Variants in FGR observed in about 807,000 individuals in gnomAD.
FGR encodes the protein tyrosine-protein kinase Fgr.
Under a neutral mutation model 63.2 loss-of-function variants are expected in FGR, and 26 were observed. The ratio of observed to expected loss-of-function variants is 0.41; its 90% confidence interval spans 0.30 to 0.57. FGR has a LOEUF of 0.57. FGR is among the 20% of genes least tolerant of loss of function. FGR has a pLI of 0.27. For missense variants in FGR, 511 were observed against 690.8 expected (o/e 0.74, Z 2.92); for synonymous variants, 286 against 277.7 (o/e 1.03, Z -0.30).
chr1:27,626,870 C>T (rs970447494), intron 1 of FGR, among the ~76,000 whole-genome samples: 1 of 152,026 alleles, frequency 6.6e-6, no homozygotes, highest in East Asian at 1.9e-4. Flanking sequence ...GGGGCTGATA[C>T]AAAAACAAGG....
chr1:27,619,878 C>T (rs571336094), intron 5 of FGR, among the ~76,000 whole-genome samples: 1 of 152,346 alleles, frequency 6.6e-6, no homozygotes, highest in East Asian at 1.9e-4. Context: ...CTCCCCATAA[C>T]CCAAATCAGT....
At chr1:27,623,281 G>A in intron 3 of FGR, 137 bp from the exon 4 acceptor site, 3 of 650,456 alleles carry the variant, frequency 4.6e-6, no homozygotes, top group Non-Finnish European at 5.5e-6. Flanking sequence ...AGGCCTTTGG[G>A]GTCCAAGGAA....
At position 27,622,423 on chromosome 1, in the gene FGR, T is replaced by C. The variant is rs551901351; in HGVS notation, c.329+619A>G. ...ACTTTGTGGTTTCCAGAAGTCATCA[T>C]TTATTCTCATTCTCTCTCACTCTCT... On this transcript the variant is annotated intron_variant, in intron 4 of 12. Transcript: ENST00000374005. Among the ~76,000 whole-genome samples the C allele has an allele frequency of 2.3e-3, 353 of 152,194 alleles. 1 individual carries two copies. Among genetic ancestry groups the C allele is most frequent in the African/African-American group, 8.2e-3 (340 of 41,552 alleles).
At chr1:27,624,316 G>A (rs914028549) in intron 2 of FGR, among the ~76,000 whole-genome samples, 2 of 152,200 alleles carry the variant, frequency 1.3e-5, no homozygotes, top group African/African-American at 4.8e-5. Context: ...GCTTGCTGCA[G>A]CCTTGATCTC....
At chr1:27,630,075 C>T (rs1229745723) in intron 1 of FGR, among the ~76,000 whole-genome samples, 3 of 151,934 alleles carry the variant, frequency 2.0e-5, no homozygotes, top group Non-Finnish European at 2.9e-5. Context: ...TTTTTTGAGA[C>T]GGGGTCTCAC....
intron 2 of FGR, 30 bp from the exon 3 acceptor site, chr1:27,623,959 A>T: frequency 6.5e-7 from 1 of 1,529,594 alleles, no homozygotes; most frequent in Non-Finnish European, 8.8e-7. Flanking sequence ...TCACTCAAGG[A>T]CCCCTGCCAG....
intron 1 of FGR, among the ~76,000 whole-genome samples, chr1:27,626,914 C>A (rs1172780456): frequency 6.6e-6 from 1 of 152,108 alleles, no homozygotes; most frequent in Non-Finnish European, 1.5e-5. Flanking sequence ...CACCTGCTAT[C>A]CCAGGACTTT....
chr1:27,625,641 C>T (rs1477535165), intron 1 of FGR, among the ~76,000 whole-genome samples: 1 of 152,170 alleles, frequency 6.6e-6, no homozygotes, highest in Non-Finnish European at 1.5e-5. Flanking sequence ...TCACCATCTC[C>T]TAAAAACCAG....
chr1:27,619,035 C>G (rs1033840533), intron 5 of FGR, among the ~76,000 whole-genome samples: 1 of 152,202 alleles, frequency 6.6e-6, no homozygotes, highest in Admixed American at 6.5e-5. Context: ...TCCGCTCTCT[C>G]GGTTGTTCTG....
chr1:27,623,952 C>A, intron 2 of FGR, 23 bp from the exon 3 acceptor site: 2 of 1,540,588 alleles, frequency 1.3e-6, no homozygotes, highest in Non-Finnish European at 1.8e-6. Context: ...GCATGCCTCA[C>A]TCAAGGACCC....
Position 27,614,658 on chromosome 1 carries a change from A to T in FGR, c.1096-75T>A, listed in dbSNP as rs1287490192. ...CCGTGGCCTGTTTGAGGGGTGAGGG[A>T]CCATTTGAAAAACCCACTTTCCAGA... On this transcript the variant is annotated intron_variant, in intron 10 of 12. Transcript: ENST00000374005. 3.2e-6 allele frequency: 5 copies of T among 1,550,398 alleles called. No individual in the cohort carries two copies. The East Asian group carries it at 6.8e-5, about 21-fold the overall frequency.
rs2089794335 is a variant in FGR, at chr1:27,615,670, G to GC, written c.838+18dup. 1 of 1,592,452 alleles carries GC rather than the reference G, an allele frequency of 6.3e-7. No homozygotes were observed. The highest frequency in any genetic ancestry group is 1.3e-5 in the African/African-American group (1 of 74,522). ...CCCCCGAGCCCAGGCCCTCGTCCCG[G>GC]CCCCCGGGAGCTCCGTACCCAGCCA... On this transcript the variant is annotated intron_variant, in intron 8 of 12. Coordinates refer to ENST00000374005, the MANE Select transcript of FGR (RefSeq NM_005248.3). The surrounding 1 kb of genome is among the most constrained non-coding windows in gnomAD (Gnocchi z 7.6).
chr1:27,619,909 C>T (rs2089888599), intron 5 of FGR, among the ~76,000 whole-genome samples: 1 of 152,234 alleles, frequency 6.6e-6, no homozygotes. Context: ...TGGATTCTCA[C>T]TCTGCAAAGT....
chr1:27,615,333 T>C lies in FGR; in HGVS notation c.1018+101A>G, dbSNP rs898556335. 1.3e-5 allele frequency: 17 copies of C among 1,302,958 alleles called. No individual in the cohort carries two copies. Among genetic ancestry groups the C allele is most frequent in the African/African-American group, 2.9e-5 (2 of 68,050 alleles). 80.7% of individuals were successfully genotyped at this position (1,302,958 alleles called of 1,614,324 possible). On this transcript the variant is annotated intron_variant, in intron 9 of 12. Coordinates refer to ENST00000374005, the MANE Select transcript of FGR (RefSeq NM_005248.3). This position sits in a 1 kb window ranked among gnomAD's most constrained non-coding sequence, Gnocchi z 7.6. ...TGGTCCCTTAGTGGGACTCTGCCCA[T>C]TGTCCCTTGTCCCTCACAGATCGCG...
chr1:27,631,772 T>C (rs895151289), intron 1 of FGR, among the ~76,000 whole-genome samples: 3 of 151,680 alleles, frequency 2.0e-5, no homozygotes, highest in Non-Finnish European at 2.9e-5. Context: ...GTTCCCAGGG[T>C]GAGGTGAGAG....
Position 27,612,846 on chromosome 1 carries a change from G to A in FGR, c.*68C>T, listed in dbSNP as rs992009170. 4.1e-6 allele frequency: 6 copies of A among 1,475,158 alleles called. No individual in the cohort carries two copies. The African/African-American group carries it at 8.3e-5, about 20-fold the overall frequency. 91.4% of individuals were successfully genotyped at this position (1,475,158 alleles called of 1,614,324 possible). On this transcript the variant is annotated 3_prime_UTR_variant, in exon 13 of 13. Transcript: ENST00000374005. ...GGTTCTAAGCCAGCCTGGGGGCTTT[G>A]GAAGAACAGCTCTGGGGATTGGCAA...
intron 3 of FGR, 111 bp from the exon 4 acceptor site, chr1:27,623,255 G>A: frequency 1.3e-6 from 1 of 762,192 alleles, no homozygotes; most frequent in Non-Finnish European, 2.3e-6. Context: ...CACTCCTTTA[G>A]TGCTCTGGTT....
intron 5 of FGR, among the ~76,000 whole-genome samples, chr1:27,619,812 T>C (rs1304482280): frequency 6.6e-6 from 1 of 152,194 alleles, no homozygotes; most frequent in Admixed American, 6.5e-5. Flanking sequence ...TAGCAAATGG[T>C]GCCATCATCC....
chr1:27,622,443 C>T (rs57805076), intron 4 of FGR, among the ~76,000 whole-genome samples: 12,859 of 152,070 alleles, frequency 0.085, 1,438 homozygotes, highest in African/African-American at 0.26. Context: ...TTCTCTCTCA[C>T]TCTCTTCCTC....
Sources: gnomAD v4.1 joint callset for allele counts (sites outside exome capture counted in the v4.1 genomes callset) on GRCh38, gnomAD v4.1.1 for gene constraint, Gnocchi (gnomAD v3.1) non-coding constraint, MANE v1.5 for transcripts, NCBI Gene and HGNC (gene_info 2026-07-23, HGNC 2026-07-21) for gene names.